The following ADRA1A variants were observed in gnomAD, a reference collection of about 807,000 sequenced individuals.
ADRA1A encodes the protein alpha-1A adrenergic receptor.
In ADRA1A, 31 loss-of-function variants were observed where a neutral mutation model predicts 29.6. The observed-to-expected ratio is 1.05, with a 90% CI of 0.79 to 1.41. The LOEUF (loss-of-function observed/expected upper bound fraction) is 1.41, where lower values mean the gene tolerates loss of function less well. Among genes scored for constraint, ADRA1A ranks in the 40% most tolerant of loss-of-function variants. ADRA1A has a pLI of 0.00. For missense variants in ADRA1A, 619 were observed against 601.1 expected (o/e 1.03, Z -0.31); for synonymous variants, 311 against 254.3 (o/e 1.22, Z -2.12).
chr8:26,847,293 G>A (rs192566055), intron 2 of ADRA1A, among the ~76,000 whole-genome samples: 2 of 151,966 alleles, frequency 1.3e-5, no homozygotes, highest in East Asian at 1.9e-4. Flanking sequence ...AAAGAAAAAC[G>A]TCTCCAGACC....
downstream of ADRA1A, among the ~76,000 whole-genome samples, chr8:26,751,970 C>T (rs762000061): frequency 3.2e-4 from 49 of 152,046 alleles, no homozygotes; most frequent in Admixed American, 3.9e-4. Flanking sequence ...CACCTCTTCC[C>T]AACAGTGTGT....
At chr8:26,817,470 G>T (rs534375009) in intron 2 of ADRA1A, among the ~76,000 whole-genome samples, 120 of 152,276 alleles carry the variant, frequency 7.9e-4, no homozygotes, top group African/African-American at 2.7e-3. Flanking sequence ...AAACAGCTTG[G>T]TGATTTCTTA....
At position 26,791,913 on chromosome 8, in the gene ADRA1A, T is replaced by C. The variant is rs1240451375; in HGVS notation, c.884-21247A>G. Among the ~76,000 whole-genome samples the C allele has an allele frequency of 2.0e-5, 3 of 152,164 alleles. No individual in the cohort carries two copies. In the South Asian group the frequency reaches 6.2e-4, roughly 32 times the overall value. On this transcript the variant is annotated intron_variant, in intron 2 of 2. Coordinates refer to ENST00000380573, the MANE Select transcript of ADRA1A (RefSeq NM_000680.4). ...TTCTGTCCCTACTTCCCAATATCCCTAACACCAGCCTCCCTATCACATCAG... is the reference window on the plus strand; with the variant it reads ...TTCTGTCCCTACTTCCCAATATCCCCAACACCAGCCTCCCTATCACATCAG...
intron 2 of ADRA1A, among the ~76,000 whole-genome samples, chr8:26,780,362 G>C (rs966093025): frequency 3.3e-5 from 5 of 152,092 alleles, no homozygotes; most frequent in Admixed American, 2.6e-4. Flanking sequence ...TCTTCCTGCC[G>C]CAGTAGACTT....
chr8:26,751,858 G>T (rs774230377), downstream of ADRA1A, among the ~76,000 whole-genome samples: 6 of 152,212 alleles, frequency 3.9e-5, no homozygotes, highest in Non-Finnish European at 8.8e-5. Context: ...GTAAGGAAAT[G>T]AACACTCAGG....
downstream of ADRA1A, among the ~76,000 whole-genome samples, chr8:26,751,658 T>C (rs1346777530): frequency 4.6e-5 from 7 of 152,184 alleles, no homozygotes. Flanking sequence ...AGGGAATGTG[T>C]GTGGATGGAC....
intron 2 of ADRA1A, among the ~76,000 whole-genome samples, chr8:26,810,139 C>A (rs897332028): frequency 6.6e-6 from 1 of 152,080 alleles, no homozygotes; most frequent in Admixed American, 6.6e-5. Flanking sequence ...ACTCAGAGGT[C>A]GAATCAATAA....
chr8:26,756,337 G>A (rs933562974), downstream of ADRA1A: 4 of 850,288 alleles, frequency 4.7e-6, no homozygotes, highest in African/African-American at 1.8e-5. Context: ...ACCCATAAAA[G>A]TTCCCCTTTT....
At chr8:26,762,122 G>T (rs1002827873), downstream of ADRA1A, among the ~76,000 whole-genome samples, 4 of 152,122 alleles carry the variant, frequency 2.6e-5, no homozygotes, top group African/African-American at 9.7e-5. This position sits in a 1 kb window ranked among gnomAD's most constrained non-coding sequence, Gnocchi z 4.0. Context: ...AAGAGAAAGA[G>T]AAGGTTACTT....
intron 2 of ADRA1A, among the ~76,000 whole-genome samples, chr8:26,800,482 A>T (rs1808494673): frequency 2.0e-5 from 3 of 152,148 alleles, no homozygotes. Flanking sequence ...TATATGCCAA[A>T]ATGACCATCC....
chr8:26,834,695 CCT>C (rs1167667289), intron 2 of ADRA1A, among the ~76,000 whole-genome samples: 1 of 152,320 alleles, frequency 6.6e-6, no homozygotes, highest in East Asian at 1.9e-4. Context: ...GACCTGTATT[CCT>C]CTGACAATAC....
chr8:26,778,155 G>A (rs908927009), intron 2 of ADRA1A, among the ~76,000 whole-genome samples: 1 of 152,110 alleles, frequency 6.6e-6, no homozygotes, highest in Non-Finnish European at 1.5e-5. Flanking sequence ...AGCCTAAGAA[G>A]CATTTCTCCT....
Position 26,840,589 on chromosome 8 carries a change from CT to C in ADRA1A, c.883+23497del, listed in dbSNP as rs200419252. ...CTTTTTTATCCTGAACTTTAGCGTT[CT>C]TTTTTTTTTTTTCTTGCCCTGTGGA... On this transcript the variant is annotated intron_variant, in intron 2 of 2. Transcript: ENST00000380573. Among the ~76,000 whole-genome samples the C allele has an allele frequency of 3.4e-3, 482 of 143,138 alleles. 2 individuals are homozygous for C. Among genetic ancestry groups the C allele is most frequent in the South Asian group, 0.011 (48 of 4,520 alleles). The allele number at this position is 143,138 out of a possible 152,430, so 93.9% of individuals were successfully genotyped here. A position where few individuals can be genotyped will look rare whatever the true frequency, so the allele number is the denominator to read the frequency against.
At chr8:26,789,246 C>T (rs559329103) in intron 2 of ADRA1A, among the ~76,000 whole-genome samples, 2 of 152,188 alleles carry the variant, frequency 1.3e-5, no homozygotes, top group Non-Finnish European at 2.9e-5. Flanking sequence ...CAACACACTA[C>T]ATGCCTTCAA....
chr8:26,756,730 G>C, exon 3 of ADRA1A: 1 of 1,614,150 alleles, frequency 6.2e-7, no homozygotes. Flanking sequence ...TGGGCAGTAA[G>C]GACAACAGTC....
At position 26,815,979 on chromosome 8, in the gene ADRA1A, G is replaced by A. The variant is rs571993086; in HGVS notation, c.884-45313C>T. 6.6e-6 allele frequency among the ~76,000 whole-genome samples: 1 copy of A among 152,266 alleles called. No homozygotes were observed. Among genetic ancestry groups the A allele is most frequent in the South Asian group, 2.1e-4 (1 of 4,824 alleles). On this transcript the variant is annotated intron_variant, in intron 2 of 2. Transcript: ENST00000380573. This position sits in a 1 kb window ranked among gnomAD's most constrained non-coding sequence, Gnocchi z 4.2. ...GGTGCTGCTGGTTGCTTTATCATGAGCCTTGAAAAGTCGCTGGTTCCATGG... is the reference window on the plus strand; with the variant it reads ...GGTGCTGCTGGTTGCTTTATCATGAACCTTGAAAAGTCGCTGGTTCCATGG...
chr8:26,748,953 C>T (rs61759698), intron 2 of ADRA1A, among the ~76,000 whole-genome samples: 6,937 of 152,008 alleles, frequency 0.046, 216 homozygotes, highest in Non-Finnish European at 0.066. Context: ...GTGAGTGTCA[C>T]CTTTTGTATT....
rs150136582 is a variant in ADRA1A, at chr8:26,749,038, A to G, written c.1270-290T>C. ...AAATAAGGAATTTGTTAGGGGAGGT[A>G]TCACACATAAATTGACTCTGAAGGC... is the stretch of plus-strand genomic sequence containing the variant. On this transcript the variant is annotated intron_variant, in intron 2 of 2. Coordinates refer to the ADRA1A transcript ENST00000380586. 5.8e-4 allele frequency among the ~76,000 whole-genome samples: 88 copies of G among 152,334 alleles called. 2 individuals are homozygous for G. Among genetic ancestry groups the G allele is most frequent in the African/African-American group, 2.0e-3 (84 of 41,576 alleles).
intron 2 of ADRA1A, among the ~76,000 whole-genome samples, chr8:26,803,202 T>C (rs1246231107): frequency 6.6e-6 from 1 of 152,150 alleles, no homozygotes; most frequent in African/African-American, 2.4e-5. Flanking sequence ...ATAATTTGTT[T>C]TATATTGTAG....
Sources: allele counts gnomAD v4.1 joint callset (sites outside exome capture counted in the v4.1 genomes callset), GRCh38; gene constraint gnomAD v4.1.1; non-coding constraint Gnocchi (gnomAD v3.1); transcripts MANE v1.5; gene names NCBI Gene and HGNC (gene_info 2026-07-23, HGNC 2026-07-21).